Variants in PRELID2 observed in about 807,000 individuals in gnomAD.
The protein encoded by PRELID2 is PRELI domain containing 2, also known as PRELI domain-containing protein 2.
In PRELID2, 25 loss-of-function variants were observed where a neutral mutation model predicts 28.4. The observed-to-expected ratio is 0.88, with a 90% CI of 0.64 to 1.23. The LOEUF (loss-of-function observed/expected upper bound fraction) is 1.23. Among genes scored for constraint, PRELID2 ranks in the 50% most tolerant of loss-of-function variants. The pLI is 0.00. For missense variants in PRELID2, 201 were observed against 214.4 expected (o/e 0.94, Z 0.39); for synonymous variants, 76 against 71.6 (o/e 1.06, Z -0.31).
At chr5:145,263,254 C>T in the PRELID2 span, among the ~76,000 whole-genome samples, 1 of 152,008 alleles carries the variant, frequency 6.6e-6, no homozygotes, top group Non-Finnish European at 1.5e-5. Flanking sequence ...CTTAAACACT[C>T]CACCAACAGA....
At chr5:145,789,187 C>G (rs1283544013) in intron 5 of PRELID2, among the ~76,000 whole-genome samples, 1 of 152,110 alleles carries the variant, frequency 6.6e-6, no homozygotes, top group African/African-American at 2.4e-5. Context: ...CCTCAAATAA[C>G]CACAGTAATC....
intron 1 of PRELID2, among the ~76,000 whole-genome samples, chr5:145,561,312 C>CT (rs1028494840): frequency 2.6e-5 from 4 of 152,000 alleles, no homozygotes; most frequent in African/African-American, 4.8e-5. Flanking sequence ...TTTTTTCTTC[C>CT]TTTTTTTTCT....
At chr5:145,523,490 T>C (rs749088234) in intron 1 of PRELID2, among the ~76,000 whole-genome samples, 7 of 152,150 alleles carry the variant, frequency 4.6e-5, no homozygotes, top group African/African-American at 9.7e-5. Flanking sequence ...CAAAAATTTA[T>C]TTCTCACAAT....
intron 1 of PRELID2, among the ~76,000 whole-genome samples, chr5:145,524,761 T>C (rs1234940375): frequency 6.6e-6 from 1 of 152,112 alleles, no homozygotes; most frequent in Non-Finnish European, 1.5e-5. Flanking sequence ...AACCAACCAT[T>C]CTGGGTTACA....
intron 1 of PRELID2, among the ~76,000 whole-genome samples, chr5:145,517,821 A>G (rs1752529484): frequency 6.6e-6 from 1 of 152,162 alleles, no homozygotes. Flanking sequence ...ATAAAAAAGG[A>G]TGAATTCATG....
the PRELID2 span, among the ~76,000 whole-genome samples, chr5:145,291,471 A>G: frequency 6.6e-6 from 1 of 151,988 alleles, no homozygotes; most frequent in Non-Finnish European, 1.5e-5. Flanking sequence ...AGGCAAGGAA[A>G]GGTGCCTCCT....
At chr5:145,369,643 G>C in the PRELID2 span, among the ~76,000 whole-genome samples, 2 of 152,062 alleles carry the variant, frequency 1.3e-5, no homozygotes, top group African/African-American at 4.8e-5. Context: ...ACCCAGTAAT[G>C]AGATTGCTGG....
the PRELID2 span, among the ~76,000 whole-genome samples, chr5:145,363,328 T>C: frequency 6.6e-6 from 1 of 152,074 alleles, no homozygotes; most frequent in Non-Finnish European, 1.5e-5. Context: ...TTAGGGAAAC[T>C]GTTTCTTCCA....
At chr5:145,665,515 T>G (rs1437951652) in intron 1 of PRELID2, among the ~76,000 whole-genome samples, 3 of 152,112 alleles carry the variant, frequency 2.0e-5, no homozygotes. Flanking sequence ...TCTGCCACCA[T>G]AGTCAGTAAT....
the PRELID2 span, among the ~76,000 whole-genome samples, chr5:145,335,118 T>C: frequency 6.6e-6 from 1 of 152,064 alleles, no homozygotes; most frequent in Non-Finnish European, 1.5e-5. Context: ...GTCCACTTGA[T>C]GGTGTCCTAT....
chr5:145,254,973 A>G, the PRELID2 span, among the ~76,000 whole-genome samples: 2 of 152,006 alleles, frequency 1.3e-5, no homozygotes, highest in Admixed American at 6.6e-5. Context: ...AAAAAGCTGA[A>G]TTTAACTAAA....
the PRELID2 span, among the ~76,000 whole-genome samples, chr5:145,330,836 T>C: frequency 6.6e-6 from 1 of 152,268 alleles, no homozygotes; most frequent in Admixed American, 6.5e-5. Flanking sequence ...TCTTTGCTCT[T>C]GCTTCTTTAG....
chr5:145,290,130 G>A, the PRELID2 span, among the ~76,000 whole-genome samples: 14 of 152,244 alleles, frequency 9.2e-5, 1 homozygote, highest in South Asian at 2.9e-3. Flanking sequence ...GGAGAAATAG[G>A]AACGCTTTTA....
chr5:145,737,426 T>TC (rs398109507), intron 1 of PRELID2, among the ~76,000 whole-genome samples: 5 of 146,284 alleles, frequency 3.4e-5, no homozygotes, highest in South Asian at 2.2e-4. Context: ...GTTATTTATT[T>TC]AAAAAAAAAA....
At chr5:145,462,168 C>T in the PRELID2 span, among the ~76,000 whole-genome samples, 2 of 152,090 alleles carry the variant, frequency 1.3e-5, no homozygotes, top group African/African-American at 2.4e-5. Flanking sequence ...TGACAAAAAG[C>T]TACAGAGAGC....
At chr5:145,821,152 G>GGTGGGTGTGTGTGTGTGT (rs1554100260) in intron 2 of PRELID2, among the ~76,000 whole-genome samples, 34 of 88,266 alleles carry the variant, frequency 3.9e-4, no homozygotes, top group African/African-American at 1.0e-3. Context: ...AACTCTCCTG[G>GGTGGGTGTGTGTGTGTGT]GTGTGTGTGT....
downstream of PRELID2, among the ~76,000 whole-genome samples, chr5:145,752,493 C>T (rs1330236196): frequency 6.6e-6 from 1 of 152,186 alleles, no homozygotes; most frequent in Non-Finnish European, 1.5e-5. Flanking sequence ...ATTAAACTTT[C>T]TTGCCATACC....
At chr5:145,295,111 T>A in the PRELID2 span, among the ~76,000 whole-genome samples, 1 of 152,138 alleles carries the variant, frequency 6.6e-6, no homozygotes, top group Non-Finnish European at 1.5e-5. Flanking sequence ...CAATGTGTTA[T>A]ACTAATGTGG....
the PRELID2 span, among the ~76,000 whole-genome samples, chr5:145,311,071 A>C: frequency 2.1e-3 from 319 of 152,334 alleles, 9 homozygotes; most frequent in East Asian, 0.053. Flanking sequence ...CCAGATGACA[A>C]GAAGGTGACA....
Sources: allele counts gnomAD v4.1 joint callset (sites outside exome capture counted in the v4.1 genomes callset), GRCh38; gene constraint gnomAD v4.1.1; transcripts MANE v1.5; gene names NCBI Gene and HGNC (gene_info 2026-07-23, HGNC 2026-07-21).